Variants in PIGN observed in about 807,000 individuals in gnomAD.
PIGN encodes GPI ethanolamine phosphate transferase 1.
PIGN carries 117 observed loss-of-function variants against 125.4 expected under a neutral mutation model. That is an observed-to-expected ratio of 0.93 (90% CI 0.80 to 1.09). The LOEUF is 1.09. Ranked by LOEUF, PIGN falls within the 50% of genes least tolerant of loss-of-function variation. The pLI is 0.00. For synonymous variants in PIGN, 392 were observed against 377.8 expected, an observed-to-expected ratio of 1.04 and a Z score of -0.44; for missense variants, 1,075 against 1,094.9, an observed-to-expected ratio of 0.98 and a Z score of 0.26.
intron 20 of PIGN, 94 bp downstream of exon 20, chr18:62,105,449 A>G: frequency 2.8e-6 from 2 of 725,472 alleles, no homozygotes; most frequent in South Asian, 1.8e-5. Flanking sequence ...ACATGATTTT[A>G]TATTCTTGAC....
chr18:62,170,160 A>G (rs2037300042), intron 1 of PIGN, among the ~76,000 whole-genome samples: 1 of 152,174 alleles, frequency 6.6e-6, no homozygotes. Flanking sequence ...TTACTGATCT[A>G]CCATTTGTAC....
chr18:62,043,216 A>T lies in PIGN; in HGVS notation c.*2640T>A, dbSNP rs1474795831. On this transcript the variant is annotated 3_prime_UTR_variant, in exon 31 of 31. Coordinates refer to ENST00000640252, the MANE Select transcript of PIGN (RefSeq NM_176787.5). ...TCAGCCCCCTGACATGATGGCATCTAGTGTGAATATGGGAGCTCACCAGGT... is the reference window on the plus strand; with the variant it reads ...TCAGCCCCCTGACATGATGGCATCTTGTGTGAATATGGGAGCTCACCAGGT... The T allele has an allele frequency of 6.6e-6, 1 of 152,218 alleles. No individual in the cohort carries two copies. Among genetic ancestry groups the T allele is most frequent in the Non-Finnish European group, 1.5e-5 (1 of 68,048 alleles). 9.4% of individuals were successfully genotyped at this position (152,218 alleles called of 1,614,324 possible). A position where few individuals can be genotyped will look rare whatever the true frequency, so the allele number is the denominator to read the frequency against.
chr18:62,065,542 T>C lies in PIGN; in HGVS notation c.2672+7131A>G, dbSNP rs552439194. 9.2e-5 allele frequency among the ~76,000 whole-genome samples: 14 copies of C among 152,050 alleles called. No individual in the cohort carries two copies. The South Asian group carries it at 1.7e-3, about 18-fold the overall frequency. ...TCACGAGGTCAGAATATCGAGACCA[T>C]CCTGGCTAAGATGGTGAAACCCCGT... On this transcript the variant is annotated intron_variant, in intron 30 of 30. Transcript: ENST00000640252.
downstream of PIGN, among the ~76,000 whole-genome samples, chr18:62,037,786 C>T (rs114665413): frequency 5.9e-5 from 9 of 152,258 alleles, no homozygotes; most frequent in African/African-American, 1.9e-4. Context: ...TGAGTAGAGC[C>T]TAAGACATCC....
intron 14 of PIGN, among the ~76,000 whole-genome samples, chr18:62,130,578 A>G (rs1237945703): frequency 1.3e-5 from 2 of 152,116 alleles, no homozygotes; most frequent in East Asian, 1.9e-4. Flanking sequence ...ATCTGTGCAC[A>G]TTACTTTGCT....
At chr18:62,073,242 T>C (rs2032993249) in intron 29 of PIGN, among the ~76,000 whole-genome samples, 1 of 151,242 alleles carries the variant, frequency 6.6e-6, no homozygotes, top group Non-Finnish European at 1.5e-5. Flanking sequence ...TTGGAAAATA[T>C]AGGCAATTAT....
At chr18:62,117,323 G>A (rs77860136) in intron 14 of PIGN, among the ~76,000 whole-genome samples, 10,199 of 152,068 alleles carry the variant, frequency 0.067, 643 homozygotes, top group African/African-American at 0.16. Flanking sequence ...AGTAAAATAT[G>A]TTCAGATTTA....
At chr18:62,053,958 A>G (rs778700893) in intron 30 of PIGN, among the ~76,000 whole-genome samples, 7 of 152,230 alleles carry the variant, frequency 4.6e-5, no homozygotes, top group Non-Finnish European at 5.9e-5. Context: ...ATACATTACC[A>G]AACACTTGGA....
At chr18:62,063,508 A>C (rs550762982) in intron 30 of PIGN, among the ~76,000 whole-genome samples, 1 of 151,042 alleles carries the variant, frequency 6.6e-6, no homozygotes, top group South Asian at 2.1e-4. Flanking sequence ...ATGGTTTCTG[A>C]AATCCAAATT....
chr18:62,095,864 G>C lies in PIGN; in HGVS notation c.2164C>G (p.Leu722Val). Reference sequence around the variant, plus strand: ...AGTTTATACCCTGTGCTTAGAAGTAGGTAGGTTGACATCAATGAAAGAAGT... The same window carrying C: ...AGTTTATACCCTGTGCTTAGAAGTACGTAGGTTGACATCAATGAAAGAAGT... Reference protein sequence around the residue: ...SILLSLMSTYLLLSTGYEALF... With the variant: ...SILLSLMSTYVLLSTGYEALF... The change falls in exon 23 of 31, where the codon CTA becomes GTA. Residue 722 changes from leucine (L) to valine (V), a missense_variant. Leu to Val is a conservative substitution (Grantham distance 32). Coordinates refer to ENST00000640252, the MANE Select transcript of PIGN (RefSeq NM_176787.5). The C allele has an allele frequency of 1.9e-6, 3 of 1,605,506 alleles. No homozygotes were observed. Among genetic ancestry groups the C allele is most frequent in the Non-Finnish European group, 2.6e-6 (3 of 1,172,318 alleles).
At chr18:62,038,634 T>C (rs536269274), downstream of PIGN, among the ~76,000 whole-genome samples, 49 of 152,316 alleles carry the variant, frequency 3.2e-4, no homozygotes, top group South Asian at 9.7e-3. Context: ...GTGAGATTTA[T>C]GTGGAACATA....
At chr18:62,063,116 A>C (rs1291708049) in intron 30 of PIGN, among the ~76,000 whole-genome samples, 1 of 151,496 alleles carries the variant, frequency 6.6e-6, no homozygotes, top group East Asian at 1.9e-4. Context: ...AAATGTGTCA[A>C]GCAAACACAG....
intron 28 of PIGN, among the ~76,000 whole-genome samples, chr18:62,080,297 C>T (rs749722352): frequency 6.6e-6 from 1 of 152,174 alleles, no homozygotes; most frequent in Non-Finnish European, 1.5e-5. Flanking sequence ...TCTTTCTCAG[C>T]GGCCTTCTAA....
At chr18:62,123,975 C>A (rs1366324645) in intron 14 of PIGN, among the ~76,000 whole-genome samples, 1 of 151,854 alleles carries the variant, frequency 6.6e-6, no homozygotes, top group Admixed American at 6.6e-5. Flanking sequence ...TCTCAAAATT[C>A]TACTTTTATG....
At position 62,101,148 on chromosome 18, in the gene PIGN, A is replaced by C. The variant is rs757990543; in HGVS notation, c.2004T>G (p.Tyr668Ter). 6 of 1,607,316 alleles carry C rather than the reference A, an allele frequency of 3.7e-6. No individual in the cohort carries two copies. Among genetic ancestry groups the C allele is most frequent in the Non-Finnish European group, 1.7e-6 (2 of 1,174,550 alleles). ...TCCTGAGTAGACTACTCTGAGTGCT[A>C]TACACAACATACATGGAGAGCACTG... ...LSTVLSMYVV[Y>*]STQSSLLRKQ... is the part of the protein sequence containing the mutation. The change falls in exon 22 of 31, where the codon TAT (tyrosine) becomes TAG (stop). Residue 668 changes from tyrosine to a stop codon, truncating the protein, a stop_gained. Transcript: ENST00000640252. LOFTEE classifies it high-confidence loss of function.
chr18:62,019,399 A>C (rs1050873534), intron 23 of PIGN, among the ~76,000 whole-genome samples: 2 of 152,232 alleles, frequency 1.3e-5, no homozygotes, highest in Non-Finnish European at 2.9e-5. Context: ...TTAGACTAAC[A>C]AAACAAATAG....
chr18:62,022,383 C>A (rs879612487), intron 23 of PIGN, among the ~76,000 whole-genome samples: 3 of 152,172 alleles, frequency 2.0e-5, no homozygotes, highest in Non-Finnish European at 4.4e-5. Context: ...TTTCACTATA[C>A]CCTCACAGAC....
intron 30 of PIGN, among the ~76,000 whole-genome samples, chr18:62,049,671 T>C (rs1450945773): frequency 1.3e-5 from 2 of 149,626 alleles, no homozygotes; most frequent in Non-Finnish European, 3.0e-5. Flanking sequence ...CTGATGGTAG[T>C]TTCTTTTGCT....
At chr18:62,022,881 T>G (rs1246663936) in intron 23 of PIGN, among the ~76,000 whole-genome samples, 1 of 152,170 alleles carries the variant, frequency 6.6e-6, no homozygotes, top group Non-Finnish European at 1.5e-5. Flanking sequence ...GTCCTTGATA[T>G]AAAATGACAT....
Sources: allele counts gnomAD v4.1 joint callset (sites outside exome capture counted in the v4.1 genomes callset), GRCh38; gene constraint gnomAD v4.1.1; transcripts MANE v1.5; gene names NCBI Gene and HGNC (gene_info 2026-07-23, HGNC 2026-07-21).